Variants in FAM221A observed in about 807,000 individuals in gnomAD.
FAM221A encodes protein FAM221A.
Under a neutral mutation model 37.6 loss-of-function variants are expected in FAM221A, and 43 were observed. That is an observed-to-expected ratio of 1.15 (90% CI 0.90 to 1.48). The LOEUF (loss-of-function observed/expected upper bound fraction) is 1.48, where lower values mean the gene tolerates loss of function less well. Ranked by LOEUF, FAM221A falls within the 40% of genes most tolerant of loss-of-function variation. The pLI is 0.00. For synonymous variants in FAM221A, 135 were observed against 132.9 expected, an observed-to-expected ratio of 1.02 and a Z score of -0.11; for missense variants, 361 against 361.5, an observed-to-expected ratio of 1.00 and a Z score of 0.01.
At chr7:23,697,322 G>C (rs1193005920) in intron 4 of FAM221A, among the ~76,000 whole-genome samples, 1 of 152,242 alleles carries the variant, frequency 6.6e-6, no homozygotes, top group Non-Finnish European at 1.5e-5. Context: ...CTGTGGTGTA[G>C]AGATAGCAGT....
chr7:23,693,529 G>A (rs1273800635), intron 4 of FAM221A: 1 of 149,614 alleles, frequency 6.7e-6, no homozygotes, highest in East Asian at 2.0e-4. Context: ...TATATATTCT[G>A]TATATTTTTT....
chr7:23,696,421 G>A (rs1369477559), intron 4 of FAM221A, among the ~76,000 whole-genome samples: 3 of 152,136 alleles, frequency 2.0e-5, no homozygotes, highest in Non-Finnish European at 4.4e-5. Flanking sequence ...AGCTGGGCCT[G>A]GTATTGTGTG....
intron 2 of FAM221A, chr7:23,688,134 TC>T (rs1343237117): frequency 2.6e-5 from 4 of 151,926 alleles, no homozygotes; most frequent in Non-Finnish European, 5.9e-5. Context: ...AAGCTCCGCC[TC>T]CCGGGTTCAC....
chr7:23,696,262 AT>A (rs71552249), intron 4 of FAM221A, among the ~76,000 whole-genome samples: 64,814 of 152,128 alleles, frequency 0.43, 14,618 homozygotes, highest in South Asian at 0.63. Flanking sequence ...AAAATATGGC[AT>A]AAAAAATAAA....
chr7:23,702,582 AT>A lies in FAM221A; in HGVS notation c.*425del, dbSNP rs1027789317. 2 of 152,386 alleles carry A rather than the reference AT, an allele frequency of 1.3e-5. No individual in the cohort carries two copies. The highest frequency in any genetic ancestry group is 2.9e-5 in the Non-Finnish European group (2 of 68,156). 9.4% of individuals were successfully genotyped at this position (152,386 alleles called of 1,614,324 possible). A position where few individuals can be genotyped will look rare whatever the true frequency, so the allele number is the denominator to read the frequency against. Reference sequence around the variant, plus strand: ...AAGAAAAAAATAGTTAAAATCATTAATTTTTTTATTTTTCAAACTTTGTAAT... The same window carrying A: ...AAGAAAAAAATAGTTAAAATCATTAATTTTTTATTTTTCAAACTTTGTAAT... On this transcript the variant is annotated 3_prime_UTR_variant, in exon 7 of 7. Coordinates refer to ENST00000344962, the MANE Select transcript of FAM221A (RefSeq NM_199136.5).
At chr7:23,680,519 T>C (rs1783967164) in intron 1 of FAM221A, among the ~76,000 whole-genome samples, 1 of 152,128 alleles carries the variant, frequency 6.6e-6, no homozygotes, top group African/African-American at 2.4e-5. Flanking sequence ...GCCCCTCTGC[T>C]CCCTTCCAAG....
rs187670482 is a variant in FAM221A, at chr7:23,700,816, G to A, written c.776G>A (p.Arg259Lys). 25 of 1,607,026 alleles carry A rather than the reference G, an allele frequency of 1.6e-5. No homozygotes were observed. The Admixed American group carries it at 4.1e-4, about 26-fold the overall frequency. ...ACAAGTAGTCAAGTTTCTTCATTAA[G>A]GAGACCTGAAGAGGATGATATGGCT... is the stretch of plus-strand genomic sequence containing the variant. ...VGTSSQVSSL[R>K]RPEEDDMAFF... Residue 259 changes from arginine to lysine, a missense_variant, in exon 6 of 7, where the codon AGG becomes AAG. By Grantham distance (26) the Arg-to-Lys change is conservative. Coordinates refer to ENST00000344962, the MANE Select transcript of FAM221A (RefSeq NM_199136.5).
At chr7:23,683,307 A>C (rs1056146085) in intron 1 of FAM221A, among the ~76,000 whole-genome samples, 1 of 152,180 alleles carries the variant, frequency 6.6e-6, no homozygotes, top group African/African-American at 2.4e-5. Flanking sequence ...TTGGGTTCTT[A>C]CTTCTGAAAT....
chr7:23,699,115 ATT>A (rs1185698578), intron 5 of FAM221A, among the ~76,000 whole-genome samples: 37 of 133,178 alleles, frequency 2.8e-4, no homozygotes, highest in Admixed American at 3.0e-4. Flanking sequence ...CAATGCTGGA[ATT>A]TTTTTTTTTT....
chr7:23,701,968 G>A, intron 6 of FAM221A, 128 bp from the exon 7 acceptor site: 1 of 457,152 alleles, frequency 2.2e-6, no homozygotes, highest in Middle Eastern at 5.8e-4. Flanking sequence ...ACAGATTTTG[G>A]CTTTAGTATT....
At chr7:23,699,082 C>G (rs1325308402) in intron 5 of FAM221A, among the ~76,000 whole-genome samples, 1 of 151,434 alleles carries the variant, frequency 6.6e-6, no homozygotes. Flanking sequence ...GCCCGAGTTC[C>G]TCAGTGCTAA....
chr7:23,684,546 A>G lies in FAM221A; in HGVS notation c.113A>G (p.Tyr38Cys), dbSNP rs1784253580. The G allele has an allele frequency of 6.2e-7, 1 of 1,613,436 alleles. No homozygotes were observed. The highest frequency in any genetic ancestry group is 1.3e-5 in the African/African-American group (1 of 75,028). Residue 38 changes from tyrosine (Y) to cysteine (C), a missense_variant, in exon 2 of 7, where the codon TAT becomes TGT. Tyr to Cys is a radical substitution (Grantham distance 194). Transcript: ENST00000344962. ...DGGKLFTPEE[Y>C]EEYKRKVLPL... The stretch of plus-strand genomic sequence containing the variant: ...GGGAAACTTTTTACTCCTGAAGAAT[A>G]TGAAGAATACAAAAGAAAAGTTTTA...
Position 23,699,535 on chromosome 7 carries a change from C to CTTTT in FAM221A, c.746-1229_746-1226dup, listed in dbSNP as rs57930152. On this transcript the variant is annotated intron_variant, in intron 5 of 6. Transcript: ENST00000344962. The stretch of plus-strand genomic sequence containing the variant: ...GCTTGTTTCTGATAGTCACCTTTTC[C>CTTTT]TTTTTTTTTTTTTTTTTTTTTTTTT... Among the ~76,000 whole-genome samples the CTTTT allele has an allele frequency of 3.3e-3, 211 of 64,186 alleles. 4 individuals are homozygous for CTTTT. Among genetic ancestry groups the CTTTT allele is most frequent in the Middle Eastern group, 0.016 (1 of 64 alleles). The allele number at this position is 64,186 out of a possible 152,430, so 42.1% of individuals were successfully genotyped here.
chr7:23,700,241 A>C (rs905122684), intron 5 of FAM221A, among the ~76,000 whole-genome samples: 2 of 152,192 alleles, frequency 1.3e-5, no homozygotes, highest in Non-Finnish European at 2.9e-5. Context: ...TTTCTATGCA[A>C]TTAGGCTCTT....
rs398004023 is a variant in FAM221A at position 23,690,199 on chromosome 7, A to ATTTTTTT, written c.430+748_430+754dup. Reference sequence around the variant, plus strand: ...TATATATATATATATATATATATATATTTTTTTTTTTTTTAATAGAGTTTT... The same window carrying ATTTTTTT: ...TATATATATATATATATATATATATATTTTTTTTTTTTTTTTTTTTTAATAGAGTTTT... On this transcript the variant is annotated intron_variant, in intron 3 of 6. Coordinates refer to ENST00000344962, the MANE Select transcript of FAM221A (RefSeq NM_199136.5). Among the ~76,000 whole-genome samples, 177 of 48,726 alleles carry ATTTTTTT rather than the reference A, an allele frequency of 3.6e-3. 4 individuals carry two copies. Among genetic ancestry groups the ATTTTTTT allele is most frequent in the African/African-American group, 4.6e-3 (54 of 11,744 alleles). 32.0% of individuals were successfully genotyped at this position (48,726 alleles called of 152,430 possible).
At chr7:23,692,374 T>A (rs1014195506) in intron 4 of FAM221A, 1 of 366,152 alleles carries the variant, frequency 2.7e-6, no homozygotes, top group African/African-American at 2.2e-5. Context: ...GGAGTTTTGC[T>A]CTTCTTGCCC....
intron 2 of FAM221A, chr7:23,686,182 A>ACACAAAT (rs1211555342): frequency 3.1e-6 from 1 of 320,238 alleles, no homozygotes; most frequent in African/African-American, 2.3e-5. Flanking sequence ...TTTATAATTT[A>ACACAAAT]TTCTTACACA....
At chr7:23,689,535 C>G in intron 3 of FAM221A, 76 bp downstream of exon 3, 1 of 1,125,036 alleles carries the variant, frequency 8.9e-7, no homozygotes, top group Non-Finnish European at 1.2e-6. Context: ...TGCTTTTTTA[C>G]TGGTTGTAGA....
chr7:23,691,327 G>C lies in FAM221A; in HGVS notation c.431-63G>C, dbSNP rs1194368684. The C allele has an allele frequency of 3.9e-6, 6 of 1,526,978 alleles. No individual in the cohort carries two copies. The African/African-American group carries it at 5.5e-5, about 14-fold the overall frequency. The allele number at this position is 1,526,978 out of a possible 1,614,324, so 94.6% of individuals were successfully genotyped here. On this transcript the variant is annotated intron_variant, in intron 3 of 6. Coordinates refer to ENST00000344962, the MANE Select transcript of FAM221A (RefSeq NM_199136.5). ...GTTCAGCTGGCTTTTGCCAGGCTAA[G>C]TGTCTTTAGGGTAGACAACATAGTA...
Sources: gnomAD v4.1 joint callset for allele counts (sites outside exome capture counted in the v4.1 genomes callset) on GRCh38, gnomAD v4.1.1 for gene constraint, MANE v1.5 for transcripts, NCBI Gene and HGNC (gene_info 2026-07-23, HGNC 2026-07-21) for gene names.